AGAP1: variants seen among roughly 807,000 people sequenced by gnomAD.
AGAP1 encodes arf-GAP with GTPase, ANK repeat and PH domain-containing protein 1.
AGAP1 carries 29 observed loss-of-function variants against 105.3 expected under a neutral mutation model. The observed-to-expected ratio is 0.28, with a 90% CI of 0.21 to 0.38. The LOEUF (loss-of-function observed/expected upper bound fraction) is 0.38. Ranked by LOEUF, AGAP1 falls within the 10% of genes least tolerant of loss-of-function variation. The pLI, the probability that AGAP1 is intolerant of heterozygous loss-of-function variation, is 1.00. For synonymous variants in AGAP1, 509 were observed against 485.9 expected (o/e 1.05, Z -0.63); for missense variants, 998 against 1,165.1 (o/e 0.86, Z 2.09).
At chr2:235,506,868 CT>C (rs1941839146) in intron 1 of AGAP1, 1 of 152,574 alleles carries the variant, frequency 6.6e-6, no homozygotes, top group South Asian at 2.1e-4. Context: ...GCATAGACAC[CT>C]CAGCCGTCTG....
At chr2:235,718,478 C>T (rs1951227290) in intron 3 of AGAP1, 2 of 815,144 alleles carry the variant, frequency 2.5e-6, no homozygotes, top group African/African-American at 1.9e-5. Flanking sequence ...CGTTCCCTTC[C>T]CTCCTTGTTC....
intron 9 of AGAP1, among the ~76,000 whole-genome samples, chr2:235,860,070 C>G (rs2048864204): frequency 6.6e-6 from 1 of 152,210 alleles, no homozygotes; most frequent in Non-Finnish European, 1.5e-5. Flanking sequence ...AAACCTTCAT[C>G]TCAGTTTGTT....
intron 16 of AGAP1, among the ~76,000 whole-genome samples, chr2:236,074,156 C>T (rs1178302087): frequency 2.6e-5 from 4 of 152,256 alleles, no homozygotes; most frequent in African/African-American, 4.8e-5. Context: ...CAGCTTGACG[C>T]GGTAGGGGCC....
At chr2:235,548,279 C>T (rs2149109192) in intron 1 of AGAP1, among the ~76,000 whole-genome samples, 1 of 152,302 alleles carries the variant, frequency 6.6e-6, no homozygotes, top group Non-Finnish European at 1.5e-5. Flanking sequence ...GCACTGCAGG[C>T]TGGTGCTGCT....
In AGAP1 at chr2:236,020,838, C is replaced by G. The variant is rs142527710; in HGVS notation, c.1646-15723C>G. Among the ~76,000 whole-genome samples, 881 of 152,268 alleles carry G rather than the reference C, an allele frequency of 5.8e-3. 5 individuals are homozygous for G. The highest frequency in any genetic ancestry group is 0.02 in the African/African-American group (831 of 41,554). On this transcript the variant is annotated intron_variant, in intron 13 of 17. Coordinates refer to ENST00000304032, the MANE Select transcript of AGAP1 (RefSeq NM_001037131.3). This position sits in a 1 kb window ranked among gnomAD's most constrained non-coding sequence, Gnocchi z 5.0. ...TACAGAGCAGAGCTGGCCAAAGCCA[C>G]CCCTCCTCAGTGATGAGCAGCACCA...
In AGAP1 at chr2:235,689,095, A is replaced by G. The variant is rs1352827038; in HGVS notation, c.164-20084A>G. 6.6e-6 allele frequency among the ~76,000 whole-genome samples: 1 copy of G among 152,208 alleles called. No homozygotes were observed. The highest frequency in any genetic ancestry group is 2.4e-5 in the African/African-American group (1 of 41,454). ...CTGTAGGAGACATCTACGTATACGT[A>G]TTTATAGAGCAATGAAGAAATAAGC... On this transcript the variant is annotated intron_variant, in intron 1 of 17. Transcript: ENST00000304032. The surrounding 1 kb of genome is among the most constrained non-coding windows in gnomAD (Gnocchi z 4.2).
Position 235,632,201 on chromosome 2 carries a change from G to A in AGAP1, c.164-76978G>A, listed in dbSNP as rs370436962. 1.2e-4 allele frequency among the ~76,000 whole-genome samples: 18 copies of A among 152,238 alleles called. No homozygotes were observed. The East Asian group carries it at 1.5e-3, about 13-fold the overall frequency. On this transcript the variant is annotated intron_variant, in intron 1 of 17. Coordinates refer to ENST00000304032, the MANE Select transcript of AGAP1 (RefSeq NM_001037131.3). ...AGAGCTTAGCCGCCCTGGCAGTTCA[G>A]TGACTTAAGGGGAGTTAATGAACTG... is the stretch of plus-strand genomic sequence containing the variant.
chr2:235,816,061 G>A (rs1263314593), intron 9 of AGAP1, among the ~76,000 whole-genome samples: 3 of 152,204 alleles, frequency 2.0e-5, no homozygotes, highest in African/African-American at 7.2e-5. Context: ...GTCACTGGTT[G>A]CTTTGACAGT....
chr2:235,805,133 A>G (rs894974597), intron 8 of AGAP1, among the ~76,000 whole-genome samples: 2 of 152,226 alleles, frequency 1.3e-5, no homozygotes, highest in African/African-American at 4.8e-5. Flanking sequence ...ACATCTTGCC[A>G]CTGTTCTTTC....
chr2:235,954,634 T>C (rs2053874196), intron 12 of AGAP1, among the ~76,000 whole-genome samples: 1 of 151,116 alleles, frequency 6.6e-6, no homozygotes, highest in African/African-American at 2.4e-5. Context: ...TTGCACGTTC[T>C]TTAGGAACAA....
rs948946295 is a variant in AGAP1 at position 235,609,371 on chromosome 2, C to A, written c.164-99808C>A. On this transcript the variant is annotated intron_variant, in intron 1 of 17. Coordinates refer to ENST00000304032, the MANE Select transcript of AGAP1 (RefSeq NM_001037131.3). The surrounding 1 kb of genome is among the most constrained non-coding windows in gnomAD (Gnocchi z 5.1). ...ACATGGGGACATGGGGCAGGGAGAG[C>A]TTCAGAATGAGCGGGAAGCCTCCAC... is the stretch of plus-strand genomic sequence containing the variant. 6.6e-6 allele frequency among the ~76,000 whole-genome samples: 1 copy of A among 152,128 alleles called. No individual in the cohort carries two copies. Among genetic ancestry groups the A allele is most frequent in the African/African-American group, 2.4e-5 (1 of 41,422 alleles).
intron 8 of AGAP1, among the ~76,000 whole-genome samples, chr2:235,803,102 G>A (rs1957653775): frequency 6.6e-6 from 1 of 150,980 alleles, no homozygotes; most frequent in South Asian, 2.1e-4. Flanking sequence ...TGATGGTGAT[G>A]ATGGTTGTGA....
Position 235,981,509 on chromosome 2 carries a change from A to G in AGAP1, c.1645+12886A>G, listed in dbSNP as rs763166905. ...TTTTTTCTTTCTGAATTTCATGAAA[A>G]TAAAATATTTTCTACCAGAATACAC... On this transcript the variant is annotated intron_variant, in intron 13 of 17. Transcript: ENST00000304032. This position sits in a 1 kb window ranked among gnomAD's most constrained non-coding sequence, Gnocchi z 5.5. Among the ~76,000 whole-genome samples the G allele has an allele frequency of 1.8e-4, 28 of 152,200 alleles. No individual in the cohort carries two copies. The highest frequency in any genetic ancestry group is 3.1e-4 in the Non-Finnish European group (21 of 68,032).
intron 6 of AGAP1, among the ~76,000 whole-genome samples, chr2:235,766,905 T>C (rs1955001281): frequency 8.3e-6 from 1 of 120,070 alleles, no homozygotes; most frequent in South Asian, 3.1e-4. Context: ...CCACACCGGC[T>C]AATTTTTTTT....
chr2:235,798,289 C>T (rs1433672761), intron 7 of AGAP1, among the ~76,000 whole-genome samples: 1 of 152,160 alleles, frequency 6.6e-6, no homozygotes, highest in African/African-American at 2.4e-5. Context: ...ATTACCATCT[C>T]CCTTAGGTCC....
At chr2:235,848,893 C>T (rs930510830) in intron 9 of AGAP1, among the ~76,000 whole-genome samples, 1 of 152,172 alleles carries the variant, frequency 6.6e-6, no homozygotes, top group Non-Finnish European at 1.5e-5. Flanking sequence ...GTTGTTGCTC[C>T]TTCCTGCCCA....
intron 9 of AGAP1, among the ~76,000 whole-genome samples, chr2:235,829,430 A>G (rs1406666652): frequency 6.6e-6 from 1 of 152,176 alleles, no homozygotes; most frequent in Non-Finnish European, 1.5e-5. Context: ...CCAGGTTCTA[A>G]CTTTCCTAAG....
chr2:235,677,732 C>T (rs1039825351), intron 1 of AGAP1, among the ~76,000 whole-genome samples: 3 of 151,632 alleles, frequency 2.0e-5, no homozygotes, highest in Non-Finnish European at 4.4e-5. Flanking sequence ...GTCTGCTGAC[C>T]GTCAGGCACT....
At chr2:235,683,433 A>G (rs1034094966) in intron 1 of AGAP1, among the ~76,000 whole-genome samples, 4 of 151,690 alleles carry the variant, frequency 2.6e-5, no homozygotes, top group East Asian at 1.9e-4. Flanking sequence ...ATATAATGCC[A>G]TCTACATTTG....
Sources: allele counts gnomAD v4.1 joint callset (sites outside exome capture counted in the v4.1 genomes callset), GRCh38; gene constraint gnomAD v4.1.1; non-coding constraint Gnocchi (gnomAD v3.1); transcripts MANE v1.5; gene names NCBI Gene and HGNC (gene_info 2026-07-23, HGNC 2026-07-21).